RERG: variants seen among roughly 807,000 people sequenced by gnomAD.
RERG encodes RAS like estrogen regulated growth inhibitor.
A neutral mutation model predicts 23.2 loss-of-function variants in RERG; 25 were observed. That is an observed-to-expected ratio of 1.08 (90% confidence interval 0.79 to 1.50). The LOEUF is 1.50. RERG is among the 40% of genes most tolerant of loss of function. The pLI is 0.00. For missense variants in RERG, 253 were observed against 250.1 expected (o/e 1.01, Z -0.08); for synonymous variants, 81 against 89.1 (o/e 0.91, Z 0.51).
At chr12:15,129,343 TCAGAG>T (rs1414946812) in intron 2 of RERG, among the ~76,000 whole-genome samples, 1 of 151,386 alleles carries the variant, frequency 6.6e-6, no homozygotes, top group African/African-American at 2.4e-5. Context: ...AAAGGGGGGC[TCAGAG>T]CAAAGATGTG....
intron 2 of RERG, among the ~76,000 whole-genome samples, chr12:15,147,667 T>C (rs949518808): frequency 2.0e-5 from 3 of 152,202 alleles, no homozygotes; most frequent in Admixed American, 6.5e-5. Flanking sequence ...GAATGTTCAA[T>C]TAAGGATCAG....
intron 2 of RERG, among the ~76,000 whole-genome samples, chr12:15,159,302 C>T (rs1306450736): frequency 1.3e-5 from 2 of 152,154 alleles, no homozygotes; most frequent in African/African-American, 4.8e-5. Flanking sequence ...CATTTGTGGC[C>T]TACAACCACA....
At position 15,213,526 on chromosome 12, in the gene RERG, A is replaced by G. The variant is rs924108600; in HGVS notation, c.61+3903T>C. Among the ~76,000 whole-genome samples, 5 of 152,336 alleles carry G rather than the reference A, an allele frequency of 3.3e-5. No homozygotes were observed. In the South Asian group the frequency reaches 1.0e-3, roughly 32 times the overall value. Reference sequence around the variant, plus strand: ...CCACAGAGTTCACTGTACTATCCCTATGCCAGCAAGCTCACTTGAAGACAG... The same window carrying G: ...CCACAGAGTTCACTGTACTATCCCTGTGCCAGCAAGCTCACTTGAAGACAG... On this transcript the variant is annotated intron_variant, in intron 2 of 4. Coordinates refer to ENST00000256953, the MANE Select transcript of RERG (RefSeq NM_032918.3).
chr12:15,122,049 G>A (rs1324536982), intron 2 of RERG, among the ~76,000 whole-genome samples: 1 of 151,740 alleles, frequency 6.6e-6, no homozygotes, highest in South Asian at 2.1e-4. Context: ...AATTGGAGCG[G>A]GATGTCACAG....
intron 2 of RERG, among the ~76,000 whole-genome samples, chr12:15,212,042 CTTTTTTT>C (rs772353150): frequency 3.2e-4 from 21 of 64,714 alleles, no homozygotes; most frequent in South Asian, 6.4e-4. Flanking sequence ...CACGAATAAA[CTTTTTTT>C]TTTTTTTTTT....
intron 2 of RERG, among the ~76,000 whole-genome samples, chr12:15,170,500 AG>A (rs1444782879): frequency 6.6e-6 from 1 of 152,226 alleles, no homozygotes; most frequent in African/African-American, 2.4e-5. Flanking sequence ...TGTGATCTTC[AG>A]GATTACTGCT....
chr12:15,111,278 T>C (rs778173670), intron 4 of RERG, 66 bp downstream of exon 4: 2 of 1,294,986 alleles, frequency 1.5e-6, no homozygotes, highest in Non-Finnish European at 2.2e-6. Flanking sequence ...CTTATTTTTG[T>C]TCATAGCATA....
rs76024040 is a variant in RERG at position 15,151,279 on chromosome 12, G to A, written c.62-30160C>T. On this transcript the variant is annotated intron_variant, in intron 2 of 4. Coordinates refer to ENST00000256953, the MANE Select transcript of RERG (RefSeq NM_032918.3). ...CTCGGTAAGTCAATAAGAACCACATGTCTTTTAAATGGAAAACATGCCTAT... is the reference window on the plus strand; with the variant it reads ...CTCGGTAAGTCAATAAGAACCACATATCTTTTAAATGGAAAACATGCCTAT... Among the ~76,000 whole-genome samples the A allele has an allele frequency of 1.5e-4, 23 of 152,200 alleles. No homozygotes were observed. In the East Asian group the frequency reaches 4.4e-3, roughly 29 times the overall value.
At chr12:15,133,283 C>A (rs1356618335) in intron 2 of RERG, among the ~76,000 whole-genome samples, 1 of 151,424 alleles carries the variant, frequency 6.6e-6, no homozygotes, top group African/African-American at 2.4e-5. Context: ...AATCTCTGAT[C>A]GTTTTACTGT....
rs977048333 is a variant in RERG at position 15,149,151 on chromosome 12, G to A, written c.62-28032C>T. Among the ~76,000 whole-genome samples the A allele has an allele frequency of 7.2e-5, 11 of 151,950 alleles. No homozygotes were observed. The East Asian group carries it at 2.1e-3, about 29-fold the overall frequency. On this transcript the variant is annotated intron_variant, in intron 2 of 4. Transcript: ENST00000256953. ...CCCAAAGTGCTGGGATTACAGGCGT[G>A]AGCCACCGCGCCCAGCCTGCAGTCC...
At chr12:15,174,907 C>T (rs976462308) in intron 2 of RERG, among the ~76,000 whole-genome samples, 6 of 152,046 alleles carry the variant, frequency 3.9e-5, no homozygotes, top group Admixed American at 3.3e-4. Context: ...GTTCTTTAAA[C>T]ACTTCATAAA....
Position 15,121,696 on chromosome 12 carries a change from T to C in RERG, c.62-577A>G, listed in dbSNP as rs74068893. On this transcript the variant is annotated intron_variant, in intron 2 of 4. Coordinates refer to ENST00000256953, the MANE Select transcript of RERG (RefSeq NM_032918.3). The stretch of plus-strand genomic sequence containing the variant: ...GATGCTACGCAGTTTGCTTGCATGA[T>C]CTCCTCAATCCTCACGTCATCTTTA... Among the ~76,000 whole-genome samples the C allele has an allele frequency of 7.4e-3, 1,133 of 152,312 alleles. 9 individuals carry two copies. Among genetic ancestry groups the C allele is most frequent in the African/African-American group, 0.026 (1,063 of 41,564 alleles).
At chr12:15,147,833 C>T (rs1864360172) in intron 2 of RERG, among the ~76,000 whole-genome samples, 1 of 152,106 alleles carries the variant, frequency 6.6e-6, no homozygotes. Flanking sequence ...AAAAATAAGT[C>T]TCAGGAATTG....
chr12:15,209,179 C>T (rs1022850246), intron 2 of RERG, among the ~76,000 whole-genome samples: 4 of 152,024 alleles, frequency 2.6e-5, no homozygotes, highest in African/African-American at 9.7e-5. Context: ...TGTTAAGGAA[C>T]ATAAGGGGAA....
chr12:15,120,937 C>T (rs1001708807), intron 3 of RERG, 126 bp downstream of exon 3: 1 of 737,232 alleles, frequency 1.4e-6, no homozygotes, highest in Non-Finnish European at 2.4e-6. Context: ...GGCTTCTTTG[C>T]ATGATTTGAA....
At chr12:15,174,696 A>C (rs564328361) in intron 2 of RERG, among the ~76,000 whole-genome samples, 1 of 150,988 alleles carries the variant, frequency 6.6e-6, no homozygotes, top group Admixed American at 6.6e-5. Flanking sequence ...ATTGATCTAC[A>C]TTAAAGTTCA....
At chr12:15,186,698 T>C (rs1237253884) in intron 2 of RERG, among the ~76,000 whole-genome samples, 1 of 152,122 alleles carries the variant, frequency 6.6e-6, no homozygotes, top group Admixed American at 6.6e-5. Flanking sequence ...ATGGGATAAA[T>C]GACAAAGAAC....
chr12:15,220,026 A>G (rs1287422649), intron 1 of RERG, among the ~76,000 whole-genome samples: 1 of 152,244 alleles, frequency 6.6e-6, no homozygotes, highest in Non-Finnish European at 1.5e-5. Context: ...AACTGACAGG[A>G]GTTCTTCAAC....
intron 2 of RERG, among the ~76,000 whole-genome samples, chr12:15,167,120 T>C (rs1864706737): frequency 6.6e-6 from 1 of 152,266 alleles, no homozygotes; most frequent in East Asian, 1.9e-4. Flanking sequence ...AGGGCATGTA[T>C]AAAAATTACT....
Sources: allele counts gnomAD v4.1 joint callset (sites outside exome capture counted in the v4.1 genomes callset), GRCh38; gene constraint gnomAD v4.1.1; transcripts MANE v1.5; gene names NCBI Gene and HGNC (gene_info 2026-07-23, HGNC 2026-07-21).